The following FAR2 variants were observed in gnomAD, a reference collection of about 807,000 sequenced individuals.
FAR2 encodes fatty acyl-CoA reductase 2.
A neutral mutation model predicts 56.0 loss-of-function variants in FAR2; 19 were observed. The ratio of observed to expected loss-of-function variants is 0.34; its 90% CI spans 0.24 to 0.50. The LOEUF is 0.50. FAR2 is among the 20% of genes least tolerant of loss of function. FAR2 has a pLI of 0.98. For synonymous variants in FAR2, 219 were observed against 218.8 expected (o/e 1.00, Z -0.01); for missense variants, 508 against 642.2 (o/e 0.79, Z 2.26).
chr12:29,161,407 C>CT (rs915517713), intron 1 of FAR2, among the ~76,000 whole-genome samples: 2 of 151,982 alleles, frequency 1.3e-5, no homozygotes, highest in Admixed American at 6.6e-5. Flanking sequence ...TATAGTAATA[C>CT]TTTTTTTTAC....
intron 3 of FAR2, among the ~76,000 whole-genome samples, chr12:29,295,329 C>T (rs1326336459): frequency 6.6e-6 from 1 of 152,186 alleles, no homozygotes; most frequent in Non-Finnish European, 1.5e-5. Flanking sequence ...CCGCCTCGGC[C>T]TCCTAAAGTG....
intron 1 of FAR2, among the ~76,000 whole-genome samples, chr12:29,268,933 A>T (rs1162822121): frequency 6.6e-6 from 1 of 152,180 alleles, no homozygotes; most frequent in Non-Finnish European, 1.5e-5. Context: ...CACAGACATC[A>T]AGTCCTTTAC....
chr12:29,211,727 G>A (rs1328058110), intron 1 of FAR2, among the ~76,000 whole-genome samples: 1 of 151,978 alleles, frequency 6.6e-6, no homozygotes, highest in Non-Finnish European at 1.5e-5. Context: ...GGTGCTATGT[G>A]AGTGGCATCA....
At chr12:29,270,920 C>T (rs1006001534) in intron 2 of FAR2, among the ~76,000 whole-genome samples, 1 of 152,202 alleles carries the variant, frequency 6.6e-6, no homozygotes, top group Non-Finnish European at 1.5e-5. Flanking sequence ...ATGCTTCAGC[C>T]TTAATATCTG....
intron 2 of FAR2, among the ~76,000 whole-genome samples, chr12:29,272,278 T>C (rs7308125): frequency 0.32 from 49,296 of 152,074 alleles, 8,223 homozygotes; most frequent in Non-Finnish European, 0.37. Flanking sequence ...CAATCAATTG[T>C]AGGTTTGGTC....
Position 29,203,126 on chromosome 12 carries a change from C to G in FAR2, c.-39+53719C>G, listed in dbSNP as rs184920073. Among the ~76,000 whole-genome samples, 13 of 152,278 alleles carry G rather than the reference C, an allele frequency of 8.5e-5. No homozygotes were observed. The East Asian group carries it at 2.5e-3, about 29-fold the overall frequency. On this transcript the variant is annotated intron_variant, in intron 1 of 11. Transcript: ENST00000536681. ...GTTTTATAGTTTACCTTAAAGATGA[C>G]TTCTAAAGAAAGAACTGATATTTTG...
chr12:29,310,746 T>C (rs1230280965), intron 6 of FAR2, among the ~76,000 whole-genome samples: 1 of 152,198 alleles, frequency 6.6e-6, no homozygotes, highest in Non-Finnish European at 1.5e-5. Flanking sequence ...TTGGTGTTTG[T>C]TAATTGAGTT....
intron 1 of FAR2, among the ~76,000 whole-genome samples, chr12:29,221,974 A>G (rs1363381205): frequency 6.6e-6 from 1 of 152,094 alleles, no homozygotes; most frequent in Non-Finnish European, 1.5e-5. Context: ...CAGCCTCCCA[A>G]GTAGCTGGGA....
intron 10 of FAR2, among the ~76,000 whole-genome samples, chr12:29,326,474 C>T (rs1481025080): frequency 3.3e-5 from 5 of 152,202 alleles, no homozygotes; most frequent in African/African-American, 1.2e-4. Context: ...GACCAATATC[C>T]TTGATGAACA....
chr12:29,164,889 C>T (rs1591825555), intron 1 of FAR2, among the ~76,000 whole-genome samples: 1 of 152,164 alleles, frequency 6.6e-6, no homozygotes, highest in Non-Finnish European at 1.5e-5. Context: ...AAGCTGGACA[C>T]CCTAGCAGTA....
chr12:29,171,179 A>T lies in FAR2; in HGVS notation c.-39+21772A>T, dbSNP rs531698521. ...TGAGAAAGCCATGCCAGTGTCCAGG[A>T]GGAAGTCAATTTCCTGGCCATCAAT... On this transcript the variant is annotated intron_variant, in intron 1 of 11. Coordinates refer to ENST00000536681, the MANE Select transcript of FAR2 (RefSeq NM_001271783.2). Among the ~76,000 whole-genome samples the T allele has an allele frequency of 7.9e-5, 12 of 152,348 alleles. No homozygotes were observed. The South Asian group carries it at 2.3e-3, about 29-fold the overall frequency.
At chr12:29,318,067 T>C (rs1949484837) in intron 9 of FAR2, among the ~76,000 whole-genome samples, 1 of 152,252 alleles carries the variant, frequency 6.6e-6, no homozygotes, top group Admixed American at 6.5e-5. Context: ...GTCATTGTTA[T>C]AATTGCCTAA....
At chr12:29,180,390 C>T (rs898218173) in intron 1 of FAR2, among the ~76,000 whole-genome samples, 2 of 152,076 alleles carry the variant, frequency 1.3e-5, no homozygotes, top group African/African-American at 4.8e-5. Context: ...TTCTTTGCTT[C>T]TTCCAACATG....
chr12:29,260,837 G>A lies in FAR2; in HGVS notation c.-38-9575G>A, dbSNP rs147084064. On this transcript the variant is annotated intron_variant, in intron 1 of 11. Coordinates refer to ENST00000536681, the MANE Select transcript of FAR2 (RefSeq NM_001271783.2). ...GGGAAGAAAACAAGAGTCTCTGCCT[G>A]GTAATCCAGGGAATTCTCTTGGATC... 2.3e-3 allele frequency among the ~76,000 whole-genome samples: 343 copies of A among 152,250 alleles called. 2 individuals are homozygous for A. Among genetic ancestry groups the A allele is most frequent in the African/African-American group, 8.0e-3 (331 of 41,546 alleles).
intron 1 of FAR2, among the ~76,000 whole-genome samples, chr12:29,193,606 T>G (rs1378626451): frequency 6.6e-6 from 1 of 152,202 alleles, no homozygotes; most frequent in East Asian, 1.9e-4. Flanking sequence ...TGAATTATAT[T>G]CCATTGTCTA....
chr12:29,272,631 G>T lies in FAR2; in HGVS notation c.189+1993G>T, dbSNP rs570361220. ...TACTCATCTTCTGAAGCCTACTTCT[G>T]TCAATTTGTCCATCTGATCCTCCGT... On this transcript the variant is annotated intron_variant, in intron 2 of 11. Coordinates refer to ENST00000536681, the MANE Select transcript of FAR2 (RefSeq NM_001271783.2). Among the ~76,000 whole-genome samples the T allele has an allele frequency of 2.6e-5, 4 of 152,266 alleles. No homozygotes were observed. In the South Asian group the frequency reaches 6.2e-4, roughly 24 times the overall value.
chr12:29,225,004 T>C (rs1157964164), intron 1 of FAR2, among the ~76,000 whole-genome samples: 2 of 152,104 alleles, frequency 1.3e-5, no homozygotes, highest in African/African-American at 4.8e-5. Context: ...GCCTCCCACT[T>C]GAGGCCTCCA....
intron 2 of FAR2, chr12:29,291,498 C>T (rs933973829): frequency 2.0e-5 from 9 of 452,524 alleles, no homozygotes; most frequent in East Asian, 7.0e-5. Flanking sequence ...TGCAATGGTC[C>T]GTGTTTGCAC....
At chr12:29,235,547 G>A (rs9804996) in intron 1 of FAR2, among the ~76,000 whole-genome samples, 6,870 of 152,228 alleles carry the variant, frequency 0.045, 381 homozygotes, top group African/African-American at 0.13. Flanking sequence ...TCCAAGCCAT[G>A]GCAAGAAGAT....
Sources: gnomAD v4.1 joint callset for allele counts (sites outside exome capture counted in the v4.1 genomes callset) on GRCh38, gnomAD v4.1.1 for gene constraint, MANE v1.5 for transcripts, NCBI Gene and HGNC (gene_info 2026-07-23, HGNC 2026-07-21) for gene names.